NSMCE1: variants seen among roughly 807,000 people sequenced by gnomAD.
NSMCE1 encodes the protein NSE1 component of SMC5/6 complex.
Under a neutral mutation model 29.6 loss-of-function variants are expected in NSMCE1, and 18 were observed. The observed-to-expected ratio is 0.61, with a 90% CI of 0.42 to 0.90. The LOEUF is 0.90. Among genes scored for constraint, NSMCE1 ranks in the 40% least tolerant of loss-of-function variants. The pLI, the probability that NSMCE1 is intolerant of heterozygous loss-of-function variation, is 0.00. For missense variants in NSMCE1, 314 were observed against 343.6 expected (o/e 0.91, Z 0.68); for synonymous variants, 124 against 133.4 (o/e 0.93, Z 0.49).
intron 2 of NSMCE1, among the ~76,000 whole-genome samples, chr16:27,244,614 G>A (rs1380532961): frequency 6.6e-6 from 1 of 152,092 alleles, no homozygotes; most frequent in Non-Finnish European, 1.5e-5. Context: ...TCTCTGCAGG[G>A]CTGCCCCTCA....
chr16:27,239,975 C>T (rs1416430752), intron 2 of NSMCE1, among the ~76,000 whole-genome samples: 2 of 152,144 alleles, frequency 1.3e-5, no homozygotes, highest in African/African-American at 4.8e-5. Context: ...TATGCATTCA[C>T]ATGGTTCATT....
chr16:27,227,592 G>A (rs1263894916), intron 5 of NSMCE1, among the ~76,000 whole-genome samples: 1 of 152,182 alleles, frequency 6.6e-6, no homozygotes, highest in Admixed American at 6.5e-5. Context: ...AATGACACGG[G>A]ACCCAGGACA....
intron 1 of NSMCE1, among the ~76,000 whole-genome samples, chr16:27,263,628 T>C (rs900313896): frequency 6.6e-6 from 1 of 152,190 alleles, no homozygotes; most frequent in Non-Finnish European, 1.5e-5. Context: ...AAAAAAGCTG[T>C]ACAACAAACC....
intron 2 of NSMCE1, 44 bp from the exon 3 acceptor site, chr16:27,235,343 T>C (rs767116482): frequency 4.8e-5 from 77 of 1,598,832 alleles, no homozygotes; most frequent in Non-Finnish European, 6.4e-5. Context: ...CCAGGGGGCC[T>C]CATCAAAAAA....
At chr16:27,267,605 G>T (rs1424593964) in intron 1 of NSMCE1, among the ~76,000 whole-genome samples, 1 of 150,882 alleles carries the variant, frequency 6.6e-6, no homozygotes, top group Non-Finnish European at 1.5e-5. Context: ...ATGAATACTA[G>T]TGGATGATCG....
At chr16:27,225,688 G>A (rs774952332) in intron 7 of NSMCE1, 38 bp downstream of exon 7, 3 of 1,611,930 alleles carry the variant, frequency 1.9e-6, no homozygotes, top group Admixed American at 1.7e-5. Context: ...CGTCCTGCTG[G>A]CCCAGCCCCT....
chr16:27,233,820 G>C (rs1378202528), intron 4 of NSMCE1, among the ~76,000 whole-genome samples: 1 of 152,214 alleles, frequency 6.6e-6, no homozygotes, highest in African/African-American at 2.4e-5. Context: ...TCTAGAGTGG[G>C]GACTGGGACC....
intron 6 of NSMCE1, chr16:27,226,213 C>T (rs543260959): frequency 1.4e-4 from 30 of 211,332 alleles, no homozygotes; most frequent in African/African-American, 2.6e-4. Context: ...CCAGAAACTC[C>T]GCCCAAGGAA....
At chr16:27,236,186 G>A (rs985299960) in intron 2 of NSMCE1, among the ~76,000 whole-genome samples, 20 of 152,296 alleles carry the variant, frequency 1.3e-4, no homozygotes, top group African/African-American at 4.3e-4. Flanking sequence ...ACAGGAGCCC[G>A]TGGCCGGGGA....
At chr16:27,237,762 G>A (rs375371533) in intron 2 of NSMCE1, among the ~76,000 whole-genome samples, 2 of 152,262 alleles carry the variant, frequency 1.3e-5, no homozygotes, top group African/African-American at 4.8e-5. Context: ...CCCGTTGCAG[G>A]GAGGGAGCCA....
rs139823241 is a variant in NSMCE1, at chr16:27,239,512, C to T, written c.137-4213G>A. Among the ~76,000 whole-genome samples the T allele has an allele frequency of 3.2e-3, 491 of 152,306 alleles. 5 individuals are homozygous for T. Among genetic ancestry groups the T allele is most frequent in the Middle Eastern group, 0.01 (3 of 292 alleles). ...ACAACTACTTTCAGTCTTAGAAATA[C>T]CACTTTGAAGACTTAGGAGTTAATT... On this transcript the variant is annotated intron_variant, in intron 2 of 7. Transcript: ENST00000361439.
chr16:27,261,964 C>T (rs1346383979), intron 1 of NSMCE1, among the ~76,000 whole-genome samples: 4 of 152,178 alleles, frequency 2.6e-5, no homozygotes, highest in Non-Finnish European at 4.4e-5. Flanking sequence ...CACACAGGGC[C>T]GAGCGCGGTG....
intron 7 of NSMCE1, 25 bp downstream of exon 7, chr16:27,225,701 C>T (rs2140982858): frequency 6.2e-7 from 1 of 1,613,616 alleles, no homozygotes; most frequent in Non-Finnish European, 8.5e-7. Context: ...CAGCCCCTCC[C>T]ATGAGCTCCT....
At position 27,262,342 on chromosome 16, in the gene NSMCE1, G is replaced by A. The variant is rs550956192; in HGVS notation, c.-11-4761C>T. On this transcript the variant is annotated intron_variant, in intron 1 of 7. Coordinates refer to ENST00000361439, the MANE Select transcript of NSMCE1 (RefSeq NM_145080.4). ...CAAAGCTGGAGGCATCACGTTACCCGACTTCAAACTACACTACAGGGCTAA... is the reference window on the plus strand; with the variant it reads ...CAAAGCTGGAGGCATCACGTTACCCAACTTCAAACTACACTACAGGGCTAA... 5.7e-4 allele frequency among the ~76,000 whole-genome samples: 86 copies of A among 151,854 alleles called. 1 individual carries two copies. Among genetic ancestry groups the A allele is most frequent in the African/African-American group, 1.8e-3 (75 of 41,412 alleles).
At chr16:27,247,599 C>T (rs1473989340) in intron 2 of NSMCE1, among the ~76,000 whole-genome samples, 3 of 152,156 alleles carry the variant, frequency 2.0e-5, no homozygotes, top group Non-Finnish European at 2.9e-5. Flanking sequence ...CCTGTCATTA[C>T]AGTCAGGTAC....
chr16:27,234,573 A>G (rs1185643588), intron 3 of NSMCE1, among the ~76,000 whole-genome samples: 3 of 152,268 alleles, frequency 2.0e-5, no homozygotes, highest in African/African-American at 7.2e-5. Context: ...AAAAGCACTG[A>G]GAAGTCTGAT....
intron 2 of NSMCE1, among the ~76,000 whole-genome samples, chr16:27,243,984 C>A (rs2083922446): frequency 6.6e-6 from 1 of 152,240 alleles, no homozygotes; most frequent in East Asian, 1.9e-4. Context: ...TTCTAAGAGA[C>A]AACAAACCAG....
chr16:27,251,138 G>A (rs2141004228), intron 2 of NSMCE1, among the ~76,000 whole-genome samples: 1 of 129,472 alleles, frequency 7.7e-6, no homozygotes, highest in East Asian at 2.5e-4. Flanking sequence ...ACCGCGCCCA[G>A]CCTTAATTTT....
chr16:27,225,044 T>A lies in NSMCE1; in HGVS notation c.*113A>T. The stretch of plus-strand genomic sequence containing the variant: ...TTCCAAAGCTGTGGACGGTGAACAT[T>A]AAGACGAAAGAGGTGACTCGCGTGG... On this transcript the variant is annotated 3_prime_UTR_variant, in exon 8 of 8. Coordinates refer to ENST00000361439, the MANE Select transcript of NSMCE1 (RefSeq NM_145080.4). 1.5e-6 allele frequency: 1 copy of A among 669,426 alleles called. No individual in the cohort carries two copies. The highest frequency in any genetic ancestry group is 2.7e-6 in the Non-Finnish European group (1 of 370,810). 41.5% of individuals were successfully genotyped at this position (669,426 alleles called of 1,614,324 possible).
Sources: allele counts gnomAD v4.1 joint callset (sites outside exome capture counted in the v4.1 genomes callset), GRCh38; gene constraint gnomAD v4.1.1; transcripts MANE v1.5; gene names NCBI Gene and HGNC (gene_info 2026-07-23, HGNC 2026-07-21).